Variants in STON2 observed in about 807,000 individuals in gnomAD.
STON2 encodes stonin 2, also known as stonin-2.
In STON2, 29 loss-of-function variants were observed where a neutral mutation model predicts 65.7. The observed-to-expected ratio is 0.44, with a 90% CI of 0.33 to 0.60. STON2 has a LOEUF of 0.60. Ranked by LOEUF, STON2 falls within the 20% of genes least tolerant of loss-of-function variation. The pLI is 0.03. For synonymous variants in STON2, 404 were observed against 414.2 expected (o/e 0.98, Z 0.30); for missense variants, 1,054 against 1,118.1 (o/e 0.94, Z 0.82).
At chr14:81,359,837 C>T (rs1378148285) in intron 4 of STON2, among the ~76,000 whole-genome samples, 3 of 152,126 alleles carry the variant, frequency 2.0e-5, no homozygotes, top group African/African-American at 7.2e-5. Context: ...TCTGAGCAAA[C>T]CAATAACCAG....
chr14:81,332,750 T>C (rs1336765247), intron 4 of STON2, among the ~76,000 whole-genome samples: 1 of 152,208 alleles, frequency 6.6e-6, no homozygotes, highest in African/African-American at 2.4e-5. Context: ...ATAACTATAA[T>C]AAAATAATAA....
chr14:81,318,096 G>C (rs1468217234), intron 5 of STON2, among the ~76,000 whole-genome samples: 1 of 152,134 alleles, frequency 6.6e-6, no homozygotes, highest in African/African-American at 2.4e-5. Context: ...CTCCCGAGTA[G>C]CTAGGATTAC....
chr14:81,409,866 C>T (rs1170293100), intron 2 of STON2, among the ~76,000 whole-genome samples: 1 of 152,208 alleles, frequency 6.6e-6, no homozygotes, highest in East Asian at 1.9e-4. Context: ...TCCTGCTTTC[C>T]TATCTTCACC....
chr14:81,414,283 A>G (rs1039803148), intron 2 of STON2, among the ~76,000 whole-genome samples: 4 of 152,160 alleles, frequency 2.6e-5, no homozygotes, highest in Non-Finnish European at 4.4e-5. Context: ...TTGAAGCTTG[A>G]GGCCAGAGAT....
chr14:81,370,870 C>T (rs112314923), intron 4 of STON2, 118 bp downstream of exon 4: 2 of 909,528 alleles, frequency 2.2e-6, no homozygotes, highest in African/African-American at 1.7e-5. Context: ...TGGATAACAA[C>T]ACCTGAACTC....
chr14:81,333,091 T>C (rs1369795415), intron 4 of STON2: 3 of 859,892 alleles, frequency 3.5e-6, no homozygotes, highest in Non-Finnish European at 5.7e-6. Context: ...TACAAGTCTA[T>C]GTTTGGATTC....
intron 4 of STON2, among the ~76,000 whole-genome samples, chr14:81,345,817 A>G (rs1897789533): frequency 6.6e-6 from 1 of 152,156 alleles, no homozygotes; most frequent in African/African-American, 2.4e-5. Flanking sequence ...TTGTTATGGC[A>G]GCCTTAGGAG....
intron 4 of STON2, among the ~76,000 whole-genome samples, chr14:81,348,937 T>C (rs1202911130): frequency 2.0e-5 from 3 of 152,170 alleles, no homozygotes; most frequent in South Asian, 2.1e-4. Context: ...AATAAATCCA[T>C]ATATTTACAG....
intron 2 of STON2, among the ~76,000 whole-genome samples, chr14:81,419,238 T>G (rs1228145542): frequency 6.6e-6 from 1 of 152,194 alleles, no homozygotes; most frequent in African/African-American, 2.4e-5. Context: ...AACAGCATCC[T>G]GATATAAGCT....
rs748762351 is a variant in STON2 at position 81,262,682 on chromosome 14, T to C, written c.*5732A>G. ...AGTTTCTGCCTTTACAGGCTTAGAA[T>C]TGACAAATTGAGAGACACATTTTTT... On this transcript the variant is annotated 3_prime_UTR_variant, in exon 8 of 8. Transcript: ENST00000614646. 3.5e-5 allele frequency: 34 copies of C among 985,364 alleles called. 1 individual carries two copies. In the South Asian group the frequency reaches 1.2e-3, roughly 35 times the overall value. 61.0% of individuals were successfully genotyped at this position (985,364 alleles called of 1,614,324 possible).
intron 2 of STON2, among the ~76,000 whole-genome samples, chr14:81,420,328 G>A (rs1234305034): frequency 6.6e-6 from 1 of 152,234 alleles, no homozygotes; most frequent in African/African-American, 2.4e-5. Flanking sequence ...AGAATATAAA[G>A]AGATGATCTA....
At chr14:81,345,830 T>G (rs1897790114) in intron 4 of STON2, among the ~76,000 whole-genome samples, 1 of 152,126 alleles carries the variant, frequency 6.6e-6, no homozygotes, top group African/African-American at 2.4e-5. Flanking sequence ...CTTAGGAGAC[T>G]AATACATATA....
intron 5 of STON2, among the ~76,000 whole-genome samples, chr14:81,321,916 G>A (rs1362074766): frequency 6.6e-6 from 1 of 152,132 alleles, no homozygotes; most frequent in Non-Finnish European, 1.5e-5. Flanking sequence ...CCTTTGATTT[G>A]GTCAAATGAA....
chr14:81,423,035 A>AG (rs911870181), intron 2 of STON2, among the ~76,000 whole-genome samples: 15 of 94,070 alleles, frequency 1.6e-4, no homozygotes, highest in African/African-American at 1.1e-3. Flanking sequence ...ACTCTGTCTC[A>AG]AAAAAAAAAA....
At chr14:81,436,187 CA>C (rs968357022) in intron 1 of STON2, 4 of 151,984 alleles carry the variant, frequency 2.6e-5, no homozygotes, top group Middle Eastern at 3.4e-3. Context: ...TCGGGGGCGC[CA>C]GGGGGCACAG....
Position 81,371,165 on chromosome 14 carries a change from A to AT in STON2, c.393_394insA (p.Cys132MetfsTer8). On this transcript the variant is annotated frameshift_variant, in exon 4 of 8. Transcript: ENST00000614646. LOFTEE classifies it high-confidence loss of function. ...GAGTCAAAGGAAGGGCATGTCCAGC[A>AT]GGGCATGGTCAATGGTAGGGCTGGG... is the stretch of plus-strand genomic sequence containing the variant. 1 of 1,614,190 alleles carries AT rather than the reference A, an allele frequency of 6.2e-7. No individual in the cohort carries two copies. The highest frequency in any genetic ancestry group is 1.7e-5 in the Admixed American group (1 of 60,032).
In STON2 at chr14:81,277,683, T is replaced by A. The variant is rs368629542; in HGVS notation, c.1799A>T (p.His600Leu). ...TNYDDFLSFIHAVQDRLMDLP... is the reference protein window; with the variant it reads ...TNYDDFLSFILAVQDRLMDLP... ...ATCCATGAGACGGTCCTGAACTGCA[T>A]GGATGAAACTCAGGAAGTCATCGTA... The change falls in exon 6 of 8, where the codon CAT (histidine) becomes CTT (leucine). Residue 600 changes from histidine to leucine, a missense_variant. Physicochemically the swap from His to Leu is moderately conservative, Grantham distance 99. Transcript: ENST00000614646. 6.2e-6 allele frequency: 10 copies of A among 1,614,090 alleles called. No individual in the cohort carries two copies. The highest frequency in any genetic ancestry group is 8.5e-6 in the Non-Finnish European group (10 of 1,180,042).
intron 1 of STON2, among the ~76,000 whole-genome samples, chr14:81,430,734 T>C (rs1342097693): frequency 1.3e-5 from 2 of 152,314 alleles, no homozygotes; most frequent in South Asian, 2.1e-4. Flanking sequence ...AAAAAACATA[T>C]ATATATGAGA....
Position 81,266,864 on chromosome 14 carries a change from T to C in STON2, c.*1550A>G. On this transcript the variant is annotated 3_prime_UTR_variant, in exon 8 of 8. Transcript: ENST00000614646. Reference sequence around the variant, plus strand: ...CACAAACACACACTCCACTCTGTACTTAGAGGGTTGCATTTTAAAAACCCA... The same window carrying C: ...CACAAACACACACTCCACTCTGTACCTAGAGGGTTGCATTTTAAAAACCCA... The C allele has an allele frequency of 2.0e-6, 2 of 981,564 alleles. No individual in the cohort carries two copies. The highest frequency in any genetic ancestry group is 9.4e-5 in the South Asian group (2 of 21,200). 60.8% of individuals were successfully genotyped at this position (981,564 alleles called of 1,614,324 possible). A position where few individuals can be genotyped will look rare whatever the true frequency, so the allele number is the denominator to read the frequency against.
Sources: allele counts gnomAD v4.1 joint callset (sites outside exome capture counted in the v4.1 genomes callset), GRCh38; gene constraint gnomAD v4.1.1; transcripts MANE v1.5; gene names NCBI Gene and HGNC (gene_info 2026-07-23, HGNC 2026-07-21).